The following TBATA variants were observed in gnomAD, a reference collection of about 807,000 sequenced individuals.
The protein encoded by TBATA is protein TBATA.
TBATA carries 47 observed loss-of-function variants against 38.7 expected under a neutral mutation model. That is an observed-to-expected ratio of 1.21 (90% confidence interval 0.96 to 1.55). The LOEUF (loss-of-function observed/expected upper bound fraction) is 1.55. TBATA is among the 40% of genes most tolerant of loss of function. TBATA has a pLI of 0.00. For synonymous variants in TBATA, 183 were observed against 170.5 expected, an observed-to-expected ratio of 1.07 and a Z score of -0.57; for missense variants, 436 against 435.6, an observed-to-expected ratio of 1.00 and a Z score of -0.01.
chr10:70,779,033 CA>C (rs1287329389), intron 5 of TBATA, among the ~76,000 whole-genome samples: 1 of 152,216 alleles, frequency 6.6e-6, no homozygotes, highest in African/African-American at 2.4e-5. Context: ...ATTAAGAAAT[CA>C]AACTACTCCC....
intron 6 of TBATA, 88 bp downstream of exon 6, chr10:70,778,469 A>G (rs1843703752): frequency 6.1e-6 from 8 of 1,315,544 alleles, no homozygotes; most frequent in Non-Finnish European, 8.8e-6. Context: ...CACCTCTGGT[A>G]GGCTGAACTG....
At position 70,779,648 on chromosome 10, in the gene TBATA, G is replaced by T. The variant is rs779431385; in HGVS notation, c.372C>A (p.Thr124=). ...VFSGCQMGIP[T]ISVPIGDPQS... The stretch of plus-strand genomic sequence containing the variant: ...GTGGGTCTCCAATGGGGACAGAGAT[G>T]GTGGGTATCCCCATTTGACAGCCGG... Residue 124 remains threonine, a synonymous_variant, in exon 5 of 11, where the codon ACC becomes ACA. Transcript: ENST00000456372. The T allele has an allele frequency of 4.6e-6, 7 of 1,532,464 alleles. No individual in the cohort carries two copies. Among genetic ancestry groups the T allele is most frequent in the Non-Finnish European group, 6.1e-6 (7 of 1,149,442 alleles). 94.9% of individuals were successfully genotyped at this position (1,532,464 alleles called of 1,614,324 possible).
intron 5 of TBATA, 99 bp downstream of exon 5, chr10:70,779,494 G>C: frequency 7.4e-7 from 1 of 1,345,272 alleles, no homozygotes; most frequent in African/African-American, 1.5e-5. Context: ...ACTGACCTAA[G>C]AGCGATGGCC....
In TBATA at chr10:70,781,793, G is replaced by A; in HGVS notation, c.277+8C>T. 1 of 1,612,858 alleles carries A rather than the reference G, an allele frequency of 6.2e-7. No homozygotes were observed. The highest frequency in any genetic ancestry group is 8.5e-7 in the Non-Finnish European group (1 of 1,178,866). On this transcript the variant is annotated splice_region_variant and intron_variant, in intron 4 of 10. Coordinates refer to ENST00000456372, the MANE Select transcript of TBATA (RefSeq NM_001318241.2). ...CCTCTGCTCCCACCCCAACCAGCCA[G>A]GCCCTACCTTGGATGTGGGTCACGT...
intron 9 of TBATA, 145 bp from the exon 10 acceptor site, chr10:70,772,711 G>C: frequency 1.2e-6 from 1 of 858,856 alleles, no homozygotes; most frequent in East Asian, 2.4e-5. Flanking sequence ...ACCCCTCCTG[G>C]AGGGCCAGAA....
chr10:70,782,855 A>C (rs953992212), intron 3 of TBATA, among the ~76,000 whole-genome samples: 9 of 152,232 alleles, frequency 5.9e-5, no homozygotes, highest in African/African-American at 2.2e-4. Flanking sequence ...CCCTGGCTGA[A>C]GGGAGTCCTT....
chr10:70,777,845 G>A (rs1186327709), intron 6 of TBATA: 1 of 453,600 alleles, frequency 2.2e-6, no homozygotes, highest in East Asian at 7.1e-5. Flanking sequence ...TTCCAATTAA[G>A]ACTGGTAGTA....
In TBATA at chr10:70,775,248, A is replaced by AAT. The variant is rs1161780543; in HGVS notation, c.715_716insAT (p.Ile239AsnfsTer8). On this transcript the variant is annotated frameshift_variant, in exon 8 of 11. Coordinates refer to ENST00000456372, the MANE Select transcript of TBATA (RefSeq NM_001318241.2). LOFTEE classifies it high-confidence loss of function. ...TGCGCTTAGCAAGTCTGTTTCCAGGATCCGACACAGGAGCTCCAGGACCTG... is the reference window on the plus strand; with the variant it reads ...TGCGCTTAGCAAGTCTGTTTCCAGGAATTCCGACACAGGAGCTCCAGGACCTG... 6.2e-7 allele frequency: 1 copy of AAT among 1,614,118 alleles called. No individual in the cohort carries two copies. Among genetic ancestry groups the AAT allele is most frequent in the Non-Finnish European group, 8.5e-7 (1 of 1,179,974 alleles).
At chr10:70,779,497 C>T (rs953134426) in intron 5 of TBATA, 96 bp downstream of exon 5, 66 of 1,353,006 alleles carry the variant, frequency 4.9e-5, no homozygotes, top group Non-Finnish European at 5.6e-5. Flanking sequence ...GACCTAAGAG[C>T]GATGGCCCTT....
chr10:70,782,093 C>T (rs1844293978), intron 3 of TBATA, 57 bp from the exon 4 acceptor site: 1 of 1,563,800 alleles, frequency 6.4e-7, no homozygotes, highest in African/African-American at 1.4e-5. Context: ...GTGGGCCCAC[C>T]TGGGCTCAGA....
chr10:70,771,550 G>T, intron 10 of TBATA, 89 bp from the exon 11 acceptor site: 1 of 1,295,388 alleles, frequency 7.7e-7, no homozygotes, highest in East Asian at 2.3e-5. Context: ...AGTGCTGAGG[G>T]GAAGGTCTGA....
chr10:70,773,465 GC>G (rs397695750), intron 9 of TBATA, among the ~76,000 whole-genome samples: 1 of 150,208 alleles, frequency 6.7e-6, no homozygotes, highest in African/African-American at 2.4e-5. Context: ...AAAAATACAG[GC>G]CCCCCCGGCT....
intron 7 of TBATA, 119 bp downstream of exon 7, chr10:70,777,034 G>T: frequency 2.6e-6 from 3 of 1,151,846 alleles, no homozygotes; most frequent in Non-Finnish European, 3.5e-6. Flanking sequence ...CAGGGCTGGA[G>T]TTTTCTGTTC....
At chr10:70,782,256 G>A in intron 3 of TBATA, 1 of 1,446,962 alleles carries the variant, frequency 6.9e-7, no homozygotes, top group Non-Finnish European at 9.4e-7. Flanking sequence ...CCTTATCAGG[G>A]AGCTGGCATC....
At position 70,773,900 on chromosome 10, in the gene TBATA, T is replaced by C. The variant is rs562126690; in HGVS notation, c.920+313A>G. On this transcript the variant is annotated intron_variant, in intron 9 of 10. Transcript: ENST00000456372. ...TGTTAGCATTTTCTCTCTACTCATG[T>C]CTTCCCATAGACCAAAGAGCTTCTG... Among the ~76,000 whole-genome samples, 6 of 152,350 alleles carry C rather than the reference T, an allele frequency of 3.9e-5. No individual in the cohort carries two copies. In the South Asian group the frequency reaches 1.2e-3, roughly 32 times the overall value.
rs747204493 is a variant in TBATA, at chr10:70,778,704, G to A, written c.428-68C>T. On this transcript the variant is annotated intron_variant, in intron 5 of 10. Coordinates refer to ENST00000456372, the MANE Select transcript of TBATA (RefSeq NM_001318241.2). Reference sequence around the variant, plus strand: ...CCTCCTCCCCTCCCTGTGCCACCAGGCCTTGGTAGAGGAGTCTGCTCTCCT... The same window carrying A: ...CCTCCTCCCCTCCCTGTGCCACCAGACCTTGGTAGAGGAGTCTGCTCTCCT... The A allele has an allele frequency of 2.6e-5, 36 of 1,409,428 alleles. No homozygotes were observed. In the South Asian group the frequency reaches 3.4e-4, roughly 13 times the overall value. 87.3% of individuals were successfully genotyped at this position (1,409,428 alleles called of 1,614,324 possible). A position where few individuals can be genotyped will look rare whatever the true frequency, so the allele number is the denominator to read the frequency against.
At chr10:70,779,907 A>T in intron 4 of TBATA, 165 bp from the exon 5 acceptor site, 1 of 686,246 alleles carries the variant, frequency 1.5e-6, no homozygotes, top group Non-Finnish European at 2.2e-6. Context: ...CACCTAGACC[A>T]GCGACCGCCT....
At position 70,777,299 on chromosome 10, in the gene TBATA, C is replaced by G. The variant is rs559051410; in HGVS notation, c.547G>C (p.Ala183Pro). 1.2e-6 allele frequency: 2 copies of G among 1,613,568 alleles called. No individual in the cohort carries two copies. The highest frequency in any genetic ancestry group is 4.5e-5 in the East Asian group (2 of 44,864). Reference protein sequence around the residue: ...QKEEPLREQGAKYSAETGRLI... With the variant: ...QKEEPLREQGPKYSAETGRLI... ...CTCCCAGTCTCTGCTGAGTACTTTGCCCCCTGCTCCCGCAGAGGCTCCTCC... is the reference window on the plus strand; with the variant it reads ...CTCCCAGTCTCTGCTGAGTACTTTGGCCCCTGCTCCCGCAGAGGCTCCTCC... Residue 183 changes from alanine to proline, a missense_variant, in exon 7 of 11, where the codon GCA becomes CCA. Ala to Pro is a conservative substitution (Grantham distance 27, BLOSUM62 -1). Coordinates refer to ENST00000456372, the MANE Select transcript of TBATA (RefSeq NM_001318241.2).
chr10:70,777,803 G>A (rs1223342394), intron 6 of TBATA: 2 of 455,658 alleles, frequency 4.4e-6, no homozygotes, highest in Non-Finnish European at 8.8e-6. Flanking sequence ...GTCCCAGAGA[G>A]GCCTGGTGCC....
Sources: gnomAD v4.1 joint callset for allele counts (sites outside exome capture counted in the v4.1 genomes callset) on GRCh38, gnomAD v4.1.1 for gene constraint, MANE v1.5 for transcripts, NCBI Gene and HGNC (gene_info 2026-07-23, HGNC 2026-07-21) for gene names.